ADGRB3: variants seen among roughly 807,000 people sequenced by gnomAD.
ADGRB3 encodes brain-specific angiogenesis inhibitor 3.
In ADGRB3, 37 loss-of-function variants were observed where a neutral mutation model predicts 193.4. That is an observed-to-expected ratio of 0.19 (90% CI 0.15 to 0.25). The LOEUF (loss-of-function observed/expected upper bound fraction) is 0.25, where lower values mean the gene tolerates loss of function less well. Among genes scored for constraint, ADGRB3 ranks in the 10% least tolerant of loss-of-function variants. The pLI is 1.00. For missense variants in ADGRB3, 1,637 were observed against 1,852.9 expected, an observed-to-expected ratio of 0.88 and a Z score of 2.14; for synonymous variants, 690 against 644.2, an observed-to-expected ratio of 1.07 and a Z score of -1.08.
chr6:69,258,427 T>C (rs1345520750), intron 20 of ADGRB3, among the ~76,000 whole-genome samples: 4 of 152,214 alleles, frequency 2.6e-5, no homozygotes, highest in Admixed American at 6.5e-5. Context: ...TTCACATGTA[T>C]ATAGAAGTGA....
chr6:69,166,865 A>G (rs1048997345), intron 17 of ADGRB3, among the ~76,000 whole-genome samples: 2 of 152,084 alleles, frequency 1.3e-5, no homozygotes, highest in African/African-American at 2.4e-5. Flanking sequence ...CTCTCAGTCA[A>G]TGTTTGCTCC....
At chr6:68,745,990 G>T (rs1412253130) in intron 3 of ADGRB3, among the ~76,000 whole-genome samples, 1 of 151,826 alleles carries the variant, frequency 6.6e-6, no homozygotes, top group Non-Finnish European at 1.5e-5. Flanking sequence ...CATATTTATT[G>T]CAAAATTGCT....
At chr6:68,741,295 C>G (rs1406881848) in intron 3 of ADGRB3, among the ~76,000 whole-genome samples, 1 of 152,184 alleles carries the variant, frequency 6.6e-6, no homozygotes, top group Admixed American at 6.6e-5. Flanking sequence ...GATAAAGTAA[C>G]CTCCTAAAGG....
At chr6:69,363,278 G>T (rs1769491080) in intron 29 of ADGRB3, among the ~76,000 whole-genome samples, 1 of 151,946 alleles carries the variant, frequency 6.6e-6, no homozygotes, top group Admixed American at 6.6e-5. Flanking sequence ...AGGAAATTTG[G>T]AATTCAGAAT....
chr6:69,188,133 G>A (rs1238863407), intron 17 of ADGRB3, among the ~76,000 whole-genome samples: 3 of 152,010 alleles, frequency 2.0e-5, no homozygotes, highest in East Asian at 3.8e-4. Flanking sequence ...TATTATTGGA[G>A]AATGGAATGA....
intron 17 of ADGRB3, among the ~76,000 whole-genome samples, chr6:69,084,588 C>G (rs1006388130): frequency 6.6e-6 from 1 of 151,918 alleles, no homozygotes; most frequent in Non-Finnish European, 1.5e-5. Context: ...TTCAAAATTC[C>G]TCTCTATAGT....
chr6:68,982,806 A>C (rs1768958920), intron 10 of ADGRB3, among the ~76,000 whole-genome samples: 1 of 152,176 alleles, frequency 6.6e-6, no homozygotes, highest in Admixed American at 6.6e-5. Context: ...TCTCTGGCCA[A>C]CCAAATTATA....
At chr6:68,803,393 C>T (rs1422274950) in intron 3 of ADGRB3, among the ~76,000 whole-genome samples, 1 of 152,114 alleles carries the variant, frequency 6.6e-6, no homozygotes, top group Non-Finnish European at 1.5e-5. Flanking sequence ...ACCACTGTTA[C>T]CTATAATTCA....
At chr6:68,642,328 G>C (rs576598518) in intron 3 of ADGRB3, among the ~76,000 whole-genome samples, 1 of 152,198 alleles carries the variant, frequency 6.6e-6, no homozygotes, top group Non-Finnish European at 1.5e-5. Flanking sequence ...AATATTGTGA[G>C]TGTGTCCACT....
chr6:69,106,704 G>A (rs984461128), intron 17 of ADGRB3, among the ~76,000 whole-genome samples: 2 of 152,346 alleles, frequency 1.3e-5, no homozygotes, highest in Admixed American at 1.3e-4. Context: ...GTAAAGGACT[G>A]AGCTGCTGGG....
In ADGRB3 at chr6:69,168,267, T is replaced by G. The variant is rs377316740; in HGVS notation, c.2481-65023T>G. On this transcript the variant is annotated intron_variant, in intron 17 of 31. Transcript: ENST00000370598. ...GAACAGGGAAAATGCTGGGTTCAAT[T>G]TCATCAGCCGAAAAACGGTTTGGAG... Among the ~76,000 whole-genome samples the G allele has an allele frequency of 3.3e-5, 5 of 152,214 alleles. No homozygotes were observed. The East Asian group carries it at 5.8e-4, about 18-fold the overall frequency.
chr6:69,117,758 A>T (rs778983203), intron 17 of ADGRB3, among the ~76,000 whole-genome samples: 1 of 152,186 alleles, frequency 6.6e-6, no homozygotes, highest in African/African-American at 2.4e-5. Context: ...TGAGTATGAT[A>T]TGTTTTATTG....
At chr6:69,041,295 A>G (rs986356849) in intron 13 of ADGRB3, among the ~76,000 whole-genome samples, 1 of 152,140 alleles carries the variant, frequency 6.6e-6, no homozygotes, top group Non-Finnish European at 1.5e-5. Flanking sequence ...AAAATCCTAA[A>G]ATACGATTTT....
At chr6:68,841,370 A>G (rs951216125) in intron 3 of ADGRB3, among the ~76,000 whole-genome samples, 1 of 152,176 alleles carries the variant, frequency 6.6e-6, no homozygotes, top group South Asian at 2.1e-4. Flanking sequence ...AAGTCTGGAG[A>G]CATTCAAAAA....
At chr6:68,801,006 A>G (rs897054251) in intron 3 of ADGRB3, among the ~76,000 whole-genome samples, 3 of 151,552 alleles carry the variant, frequency 2.0e-5, no homozygotes, top group Non-Finnish European at 4.4e-5. Flanking sequence ...TAAGACATAA[A>G]AGAAAGAGAT....
chr6:69,073,861 A>G (rs1181845185), intron 16 of ADGRB3, among the ~76,000 whole-genome samples: 1 of 152,150 alleles, frequency 6.6e-6, no homozygotes, highest in Non-Finnish European at 1.5e-5. Flanking sequence ...TGGCAGAGTC[A>G]TGGCCGACCT....
intron 3 of ADGRB3, among the ~76,000 whole-genome samples, chr6:68,739,018 A>T (rs1389027508): frequency 1.3e-5 from 2 of 152,186 alleles, no homozygotes; most frequent in African/African-American, 4.8e-5. Context: ...GTGATACCTT[A>T]TATGTCAAGT....
At chr6:68,895,087 C>A (rs1449681857) in intron 3 of ADGRB3, among the ~76,000 whole-genome samples, 3 of 151,824 alleles carry the variant, frequency 2.0e-5, no homozygotes, top group African/African-American at 7.2e-5. Context: ...AATAAAAATT[C>A]TAGAACGTAT....
At chr6:69,264,414 T>C (rs559467064) in intron 20 of ADGRB3, among the ~76,000 whole-genome samples, 1 of 151,990 alleles carries the variant, frequency 6.6e-6, no homozygotes, top group Non-Finnish European at 1.5e-5. Flanking sequence ...CTGGTTTTAT[T>C]ACCCTGTCTT....
Sources: allele counts gnomAD v4.1 joint callset (sites outside exome capture counted in the v4.1 genomes callset), GRCh38; gene constraint gnomAD v4.1.1; transcripts MANE v1.5; gene names NCBI Gene and HGNC (gene_info 2026-07-23, HGNC 2026-07-21).